TECRL: variants seen among roughly 807,000 people sequenced by gnomAD.
TECRL encodes the protein trans-2,3-enoyl-CoA reductase-like.
In TECRL, 63 loss-of-function variants were observed where a neutral mutation model predicts 52.8. That is an observed-to-expected ratio of 1.19 (90% confidence interval 0.97 to 1.47). The LOEUF (loss-of-function observed/expected upper bound fraction) is 1.47. Ranked by LOEUF, TECRL falls within the 40% of genes most tolerant of loss-of-function variation. The probability of loss-of-function intolerance (pLI) is 0.00; values close to 1 mark genes in which losing one functional copy is unlikely to be tolerated. For missense variants in TECRL, 482 were observed against 429.6 expected (o/e 1.12, Z -1.08); for synonymous variants, 164 against 141.9 (o/e 1.16, Z -1.10).
At chr4:64,360,989 G>A (rs1428900945) in intron 2 of TECRL, among the ~76,000 whole-genome samples, 1 of 152,130 alleles carries the variant, frequency 6.6e-6, no homozygotes, top group Admixed American at 6.6e-5. Flanking sequence ...ACTCCACTAG[G>A]TGGCTTTAGC....
chr4:64,298,148 A>T (rs1723792627), intron 8 of TECRL, among the ~76,000 whole-genome samples: 1 of 151,182 alleles, frequency 6.6e-6, no homozygotes, highest in African/African-American at 2.4e-5. Context: ...TAAAGATTAT[A>T]TAAATTTAAA....
Position 64,392,423 on chromosome 4 carries a change from A to G in TECRL, c.234+16695T>C, listed in dbSNP as rs540266593. 8.6e-4 allele frequency among the ~76,000 whole-genome samples: 130 copies of G among 151,952 alleles called. 1 individual carries two copies. Among genetic ancestry groups the G allele is most frequent in the Middle Eastern group, 3.4e-3 (1 of 294 alleles). Reference sequence around the variant, plus strand: ...ACAGCATATCCTCAAGAAATGCAAAACCCCTTCTAATCATGACATCGAGCT... The same window carrying G: ...ACAGCATATCCTCAAGAAATGCAAAGCCCCTTCTAATCATGACATCGAGCT... On this transcript the variant is annotated intron_variant, in intron 1 of 11. Transcript: ENST00000381210.
intron 4 of TECRL, among the ~76,000 whole-genome samples, chr4:64,316,688 TACATCGCAAGA>T (rs1466151453): frequency 6.6e-6 from 1 of 152,096 alleles, no homozygotes; most frequent in African/African-American, 2.4e-5. Flanking sequence ...ACAAACCAAG[TACATCGCAAGA>T]ACTTACAGAC....
chr4:64,301,616 T>A (rs1445195700), intron 7 of TECRL, among the ~76,000 whole-genome samples: 1 of 151,240 alleles, frequency 6.6e-6, no homozygotes, highest in African/African-American at 2.4e-5. Flanking sequence ...ACTATACAGA[T>A]CTATGTAGTA....
chr4:64,287,927 A>C (rs1723162830), intron 9 of TECRL, among the ~76,000 whole-genome samples: 1 of 152,092 alleles, frequency 6.6e-6, no homozygotes, highest in South Asian at 2.1e-4. Context: ...CAGGCAGATC[A>C]CCTGAGGTCA....
At chr4:64,404,211 G>C (rs968083781) in intron 1 of TECRL, among the ~76,000 whole-genome samples, 1 of 127,882 alleles carries the variant, frequency 7.8e-6, no homozygotes, top group African/African-American at 3.1e-5. Context: ...AAGCTTTTGA[G>C]AGTTTTACCA....
chr4:64,300,146 C>G (rs1723931457), intron 7 of TECRL, 129 bp from the exon 8 acceptor site: 1 of 539,168 alleles, frequency 1.9e-6, no homozygotes, highest in African/African-American at 2.0e-5. Context: ...GTATGTAATT[C>G]ACCTTTTGGG....
At chr4:64,296,647 A>G (rs1313188265) in intron 8 of TECRL, among the ~76,000 whole-genome samples, 1 of 151,752 alleles carries the variant, frequency 6.6e-6, no homozygotes, top group Admixed American at 6.6e-5. Flanking sequence ...TCTGGAGAGT[A>G]AAAATAAAGT....
chr4:64,395,856 T>C (rs1723909897), intron 1 of TECRL, among the ~76,000 whole-genome samples: 1 of 152,174 alleles, frequency 6.6e-6, no homozygotes, highest in South Asian at 2.1e-4. Flanking sequence ...CCCCAGTGTC[T>C]ATTGTTCCCT....
At chr4:64,390,569 C>T (rs1373592908) in intron 1 of TECRL, among the ~76,000 whole-genome samples, 1 of 151,832 alleles carries the variant, frequency 6.6e-6, no homozygotes, top group Non-Finnish European at 1.5e-5. Context: ...AGTTCATCCA[C>T]ATTGAGCATG....
rs1295872720 is a variant in TECRL at position 64,366,571 on chromosome 4, A to G, written c.286+8601T>C. On this transcript the variant is annotated intron_variant, in intron 2 of 11. Transcript: ENST00000381210. ...GGAACTTAAACAATTGAATAAGCATATAACAAACGACTGCATTAAAAATGG... is the reference window on the plus strand; with the variant it reads ...GGAACTTAAACAATTGAATAAGCATGTAACAAACGACTGCATTAAAAATGG... Among the ~76,000 whole-genome samples, 3 of 152,190 alleles carry G rather than the reference A, an allele frequency of 2.0e-5. No individual in the cohort carries two copies. The East Asian group carries it at 5.8e-4, about 29-fold the overall frequency.
chr4:64,329,978 CT>C (rs1423605069), intron 2 of TECRL, among the ~76,000 whole-genome samples: 1 of 150,684 alleles, frequency 6.6e-6, no homozygotes, highest in Non-Finnish European at 1.5e-5. Context: ...GTACTATTTA[CT>C]GTACTATTTA....
chr4:64,406,701 A>G lies in TECRL; in HGVS notation c.234+2417T>C, dbSNP rs984935091. ...TAAGGGTCTTGGGGATGAGCAATTCAGTGACTTTCTTACTCCTTGATAGAC... is the reference window on the plus strand; with the variant it reads ...TAAGGGTCTTGGGGATGAGCAATTCGGTGACTTTCTTACTCCTTGATAGAC... On this transcript the variant is annotated intron_variant, in intron 1 of 11. Transcript: ENST00000381210. Among the ~76,000 whole-genome samples the G allele has an allele frequency of 5.9e-5, 9 of 152,060 alleles. No individual in the cohort carries two copies. In the South Asian group the frequency reaches 1.9e-3, roughly 32 times the overall value.
chr4:64,328,722 A>G (rs1001881791), intron 2 of TECRL, among the ~76,000 whole-genome samples, 166 bp from the exon 3 acceptor site: 1 of 151,982 alleles, frequency 6.6e-6, no homozygotes, highest in African/African-American at 2.4e-5. Context: ...ACTGACCAGC[A>G]ATGACGGATA....
At chr4:64,321,681 C>A (rs930351976) in intron 4 of TECRL, among the ~76,000 whole-genome samples, 1 of 152,056 alleles carries the variant, frequency 6.6e-6, no homozygotes, top group East Asian at 1.9e-4. Context: ...TGCACTAGTA[C>A]CAAGTATTTT....
At chr4:64,309,790 G>A in intron 6 of TECRL, 36 bp downstream of exon 6, 1 of 1,312,284 alleles carries the variant, frequency 7.6e-7, no homozygotes, top group Non-Finnish European at 1.1e-6. Flanking sequence ...CATATAAAAT[G>A]TCTCAATCAT....
intron 2 of TECRL, among the ~76,000 whole-genome samples, chr4:64,374,066 T>TAGTAGATACATATATATATAC (rs1303639523): frequency 7.7e-6 from 1 of 129,706 alleles, no homozygotes; most frequent in African/African-American, 2.9e-5. Flanking sequence ...TATATATATA[T>TAGTAGATACATATATATATAC]ATATATATAT....
intron 2 of TECRL, among the ~76,000 whole-genome samples, chr4:64,363,867 T>TG (rs1215112006): frequency 1.3e-5 from 2 of 152,136 alleles, no homozygotes; most frequent in African/African-American, 4.8e-5. Flanking sequence ...CCTAATTAGA[T>TG]GGGGAGGAAA....
chr4:64,299,905 A>G, intron 8 of TECRL, 69 bp downstream of exon 8: 2 of 797,992 alleles, frequency 2.5e-6, no homozygotes, highest in East Asian at 5.6e-5. Context: ...AAATCTTCAG[A>G]TACAGTCTGT....
Sources: allele counts gnomAD v4.1 joint callset (sites outside exome capture counted in the v4.1 genomes callset), GRCh38; gene constraint gnomAD v4.1.1; transcripts MANE v1.5; gene names NCBI Gene and HGNC (gene_info 2026-07-23, HGNC 2026-07-21).